The following HSPA12A variants were observed in gnomAD, a reference collection of about 807,000 sequenced individuals.
HSPA12A encodes the protein heat shock protein family A (Hsp70) member 12A.
HSPA12A carries 28 observed loss-of-function variants against 69.2 expected under a neutral mutation model. The observed-to-expected ratio is 0.40, with a 90% CI of 0.30 to 0.55. The LOEUF (loss-of-function observed/expected upper bound fraction) is 0.55. HSPA12A is among the 20% of genes least tolerant of loss of function. The pLI is 0.38. For missense variants in HSPA12A, 686 were observed against 900.7 expected, an observed-to-expected ratio of 0.76 and a Z score of 3.05; for synonymous variants, 345 against 370.5, an observed-to-expected ratio of 0.93 and a Z score of 0.79.
chr10:116,828,670 G>T (rs1247034471), intron 2 of HSPA12A: 2 of 152,366 alleles, frequency 1.3e-5, no homozygotes, highest in Admixed American at 1.3e-4. Flanking sequence ...TCAAGATGGT[G>T]ACAGCGGAGC....
intron 1 of HSPA12A, among the ~76,000 whole-genome samples, chr10:116,739,182 C>T (rs1315546004): frequency 1.3e-5 from 2 of 152,126 alleles, no homozygotes; most frequent in Admixed American, 1.3e-4. Flanking sequence ...CCACCTGGGG[C>T]CTGCATCCCA....
At chr10:116,728,712 T>C (rs1042604342) in intron 1 of HSPA12A, among the ~76,000 whole-genome samples, 1 of 152,250 alleles carries the variant, frequency 6.6e-6, no homozygotes, top group African/African-American at 2.4e-5. Flanking sequence ...TTCAAGTCTA[T>C]GTGCCACTGC....
intron 1 of HSPA12A, among the ~76,000 whole-genome samples, chr10:116,841,657 T>C (rs1041640256): frequency 2.0e-5 from 3 of 152,166 alleles, no homozygotes; most frequent in African/African-American, 4.8e-5. Context: ...ACAAAAGAGA[T>C]GCAGTTAAAT....
chr10:116,770,278 A>G (rs2133115459), intron 2 of HSPA12A, among the ~76,000 whole-genome samples: 1 of 152,096 alleles, frequency 6.6e-6, no homozygotes, highest in Admixed American at 6.5e-5. Context: ...CCCCTGTGAG[A>G]GCTGCTGGTG....
chr10:116,754,973 A>T (rs782038667), intron 2 of HSPA12A, among the ~76,000 whole-genome samples: 3 of 151,354 alleles, frequency 2.0e-5, no homozygotes, highest in Non-Finnish European at 4.4e-5. Flanking sequence ...TTTTTTTTTG[A>T]AACAGAATCT....
chr10:116,740,052 A>T (rs1407779499), intron 1 of HSPA12A, among the ~76,000 whole-genome samples: 2 of 152,198 alleles, frequency 1.3e-5, no homozygotes, highest in Non-Finnish European at 2.9e-5. Flanking sequence ...TACCAAAAAC[A>T]TTCTGGAAAT....
At chr10:116,841,865 T>C (rs1330425501) in intron 1 of HSPA12A, among the ~76,000 whole-genome samples, 1 of 151,848 alleles carries the variant, frequency 6.6e-6, no homozygotes, top group Non-Finnish European at 1.5e-5. Flanking sequence ...AAAGACAAAA[T>C]TATGGCAGAA....
At chr10:116,713,184 A>T (rs1385983182) in intron 1 of HSPA12A, among the ~76,000 whole-genome samples, 1 of 151,136 alleles carries the variant, frequency 6.6e-6, no homozygotes, top group African/African-American at 2.4e-5. Context: ...TTACTGGCAA[A>T]CATCTTTTCA....
chr10:116,751,750 G>A (rs1439795364), intron 2 of HSPA12A, among the ~76,000 whole-genome samples: 2 of 152,272 alleles, frequency 1.3e-5, no homozygotes, highest in East Asian at 1.9e-4. Context: ...CTGGTGGGAG[G>A]TGTTTGGGTC....
At position 116,828,076 on chromosome 10, in the gene HSPA12A, GTTC is replaced by G. The variant is rs113171357; in HGVS notation, c.91+6856_91+6858del. Among the ~76,000 whole-genome samples, 666 of 152,210 alleles carry G rather than the reference GTTC, an allele frequency of 4.4e-3. 2 individuals carry two copies. Among genetic ancestry groups the G allele is most frequent in the African/African-American group, 0.015 (625 of 41,526 alleles). On this transcript the variant is annotated intron_variant, in intron 2 of 12. Coordinates refer to the HSPA12A transcript ENST00000635765. ...TTCAGTTCTGTTTCTCAAATGTATT[GTTC>G]TTATTATGTTGTTATACCTCTGCCT...
chr10:116,728,099 C>T (rs1432809157), intron 1 of HSPA12A, among the ~76,000 whole-genome samples: 32 of 151,854 alleles, frequency 2.1e-4, no homozygotes, highest in African/African-American at 6.8e-4. Context: ...TGAGCCACCG[C>T]GCTTGGCCAA....
At chr10:116,688,318 C>T (rs901304901) in intron 6 of HSPA12A, among the ~76,000 whole-genome samples, 1 of 152,204 alleles carries the variant, frequency 6.6e-6, no homozygotes, top group Non-Finnish European at 1.5e-5. Context: ...GGGGATTCTA[C>T]ATACAGGAAG....
chr10:116,816,405 A>G (rs1366771163), intron 2 of HSPA12A, among the ~76,000 whole-genome samples: 2 of 152,258 alleles, frequency 1.3e-5, no homozygotes, highest in East Asian at 1.9e-4. Flanking sequence ...GTGCCAGGCA[A>G]TGATGTTCCA....
intron 2 of HSPA12A, among the ~76,000 whole-genome samples, chr10:116,823,575 C>A (rs1019431312): frequency 1.1e-4 from 16 of 152,184 alleles, no homozygotes; most frequent in African/African-American, 3.9e-4. Flanking sequence ...AATAGAATTT[C>A]AGAGTCCAGA....
upstream of HSPA12A, chr10:116,742,715 G>C: frequency 3.6e-6 from 2 of 559,104 alleles, no homozygotes; most frequent in Non-Finnish European, 4.6e-6. Context: ...GCGGGGAACT[G>C]CCTGGCTCCG....
At position 116,820,489 on chromosome 10, in the gene HSPA12A, A is replaced by C. The variant is rs145691295; in HGVS notation, c.91+14446T>G. Among the ~76,000 whole-genome samples the C allele has an allele frequency of 2.0e-5, 3 of 152,110 alleles. No homozygotes were observed. In the East Asian group the frequency reaches 5.9e-4, roughly 30 times the overall value. ...TATGGTCACATGACCATGACTTTGCATCAGTTCTCAGCCCTCATCAGACGT... is the reference window on the plus strand; with the variant it reads ...TATGGTCACATGACCATGACTTTGCCTCAGTTCTCAGCCCTCATCAGACGT... On this transcript the variant is annotated intron_variant, in intron 2 of 12. Coordinates refer to the HSPA12A transcript ENST00000635765.
rs545424365 is a variant in HSPA12A, at chr10:116,727,548, C to T, written c.40+14882G>A. On this transcript the variant is annotated intron_variant, in intron 1 of 11. Coordinates refer to ENST00000369209, the MANE Select transcript of HSPA12A (RefSeq NM_025015.3). The stretch of plus-strand genomic sequence containing the variant: ...AGGGTGTGAGTACAGGCGTCCCCAA[C>T]TGAGGATGATTTGACTTATGATTAC... 9.2e-4 allele frequency among the ~76,000 whole-genome samples: 140 copies of T among 152,264 alleles called. 2 individuals are homozygous for T. In the South Asian group the frequency reaches 0.027, roughly 29 times the overall value.
At chr10:116,791,481 C>T (rs924277072) in intron 2 of HSPA12A, among the ~76,000 whole-genome samples, 1 of 152,172 alleles carries the variant, frequency 6.6e-6, no homozygotes, top group Non-Finnish European at 1.5e-5. Context: ...CAGAGTAAAG[C>T]AGCCAATTAG....
At chr10:116,688,471 G>A (rs1473642929) in intron 6 of HSPA12A, among the ~76,000 whole-genome samples, 1 of 152,244 alleles carries the variant, frequency 6.6e-6, no homozygotes, top group Non-Finnish European at 1.5e-5. Flanking sequence ...CCACACTCCA[G>A]GGAGACTGAG....
Sources: gnomAD v4.1 joint callset for allele counts (sites outside exome capture counted in the v4.1 genomes callset) on GRCh38, gnomAD v4.1.1 for gene constraint, MANE v1.5 for transcripts, NCBI Gene and HGNC (gene_info 2026-07-23, HGNC 2026-07-21) for gene names.